The following MYT1L variants were observed in gnomAD, a reference collection of about 807,000 sequenced individuals.
MYT1L encodes myelin transcription factor 1 like.
MYT1L carries 12 observed loss-of-function variants against 126.7 expected under a neutral mutation model. The ratio of observed to expected loss-of-function variants is 0.09; its 90% CI spans 0.06 to 0.15. The LOEUF is 0.15. Among genes scored for constraint, MYT1L ranks in the 10% least tolerant of loss-of-function variants. The pLI, the probability that MYT1L is intolerant of heterozygous loss-of-function variation, is 1.00. For missense variants in MYT1L, 979 were observed against 1,585.2 expected (o/e 0.62, Z 6.49); for synonymous variants, 541 against 604.2 (o/e 0.90, Z 1.53).
chr2:2,208,731 C>T (rs1323274285), intron 2 of MYT1L, among the ~76,000 whole-genome samples: 1 of 151,964 alleles, frequency 6.6e-6, no homozygotes, highest in Non-Finnish European at 1.5e-5. Context: ...TTTTATGTTA[C>T]AGCAATTTTA....
intron 2 of MYT1L, among the ~76,000 whole-genome samples, chr2:2,182,811 A>G (rs1018701723): frequency 3.9e-5 from 6 of 152,170 alleles, no homozygotes; most frequent in African/African-American, 1.2e-4. Context: ...GCGGCCCACA[A>G]TGGCAGGGAC....
rs1315744571 is a variant in MYT1L, at chr2:1,806,214, C to T, written c.3172+2862G>A. Among the ~76,000 whole-genome samples, 3 of 152,178 alleles carry T rather than the reference C, an allele frequency of 2.0e-5. No individual in the cohort carries two copies. The highest frequency in any genetic ancestry group is 4.8e-5 in the African/African-American group (2 of 41,434). ...GTTTGGTGCAAACAGTGTCAGGAAT[C>T]GACAGCCCCAGGCATCAGCACACAC... On this transcript the variant is annotated intron_variant, in intron 22 of 24. Coordinates refer to ENST00000647738, the MANE Select transcript of MYT1L (RefSeq NM_001303052.2). This position sits in a 1 kb window ranked among gnomAD's most constrained non-coding sequence, Gnocchi z 4.9.
At chr2:2,014,991 G>A (rs1574524179) in intron 4 of MYT1L, among the ~76,000 whole-genome samples, 1 of 152,318 alleles carries the variant, frequency 6.6e-6, no homozygotes, top group Admixed American at 6.5e-5. Flanking sequence ...TGGATTTCTT[G>A]GAGTGACACA....
intron 4 of MYT1L, among the ~76,000 whole-genome samples, chr2:2,036,702 A>G (rs989798192): frequency 6.6e-6 from 1 of 152,240 alleles, no homozygotes; most frequent in African/African-American, 2.4e-5. Flanking sequence ...TCTGAGCTAC[A>G]TCATCGCTCA....
chr2:1,880,638 G>T (rs2148788590), intron 18 of MYT1L, among the ~76,000 whole-genome samples: 1 of 152,300 alleles, frequency 6.6e-6, no homozygotes, highest in East Asian at 1.9e-4. Context: ...TGTTGTCAGT[G>T]GTAACAGGTA....
At chr2:2,019,362 C>T (rs149884893) in intron 4 of MYT1L, among the ~76,000 whole-genome samples, 102 of 152,216 alleles carry the variant, frequency 6.7e-4, no homozygotes, top group African/African-American at 2.4e-3. Context: ...ATTGCGAGGC[C>T]TCCTCAGCCT....
intron 3 of MYT1L, among the ~76,000 whole-genome samples, chr2:2,127,606 C>T (rs532657786): frequency 1.3e-5 from 2 of 152,310 alleles, no homozygotes; most frequent in Admixed American, 1.3e-4. Flanking sequence ...CTTGCACTAG[C>T]ATCCCTTCGT....
intron 3 of MYT1L, among the ~76,000 whole-genome samples, chr2:2,083,227 C>T (rs2076019413): frequency 6.6e-6 from 1 of 152,216 alleles, no homozygotes; most frequent in Non-Finnish European, 1.5e-5. Flanking sequence ...TTTCTCAACC[C>T]TTTACGCCTG....
At chr2:2,054,693 T>A (rs2069264710) in intron 3 of MYT1L, among the ~76,000 whole-genome samples, 1 of 128,068 alleles carries the variant, frequency 7.8e-6, no homozygotes, top group South Asian at 2.5e-4. Flanking sequence ...ATAAAGATGA[T>A]GAGACACATG....
chr2:2,061,299 C>T (rs907425452), intron 3 of MYT1L, among the ~76,000 whole-genome samples: 2 of 152,106 alleles, frequency 1.3e-5, no homozygotes, highest in African/African-American at 2.4e-5. Context: ...GGTGCAGAGC[C>T]GAGTCACGGG....
chr2:2,119,338 T>C (rs746563090), intron 3 of MYT1L, among the ~76,000 whole-genome samples: 3 of 152,190 alleles, frequency 2.0e-5, no homozygotes, highest in Non-Finnish European at 4.4e-5. Context: ...AGTAAATAAA[T>C]AGTAATCTAT....
chr2:1,909,037 T>A (rs192779115), intron 13 of MYT1L, among the ~76,000 whole-genome samples: 1 of 152,250 alleles, frequency 6.6e-6, no homozygotes, highest in African/African-American at 2.4e-5. Flanking sequence ...TGGGATGTTA[T>A]GAAATAATAC....
At chr2:1,955,329 T>C (rs905201618) in intron 8 of MYT1L, among the ~76,000 whole-genome samples, 3 of 152,176 alleles carry the variant, frequency 2.0e-5, no homozygotes, top group East Asian at 1.9e-4. Context: ...GGTACTTGAA[T>C]GATTAGATAT....
chr2:2,129,632 C>T lies in MYT1L; in HGVS notation c.-304+43240G>A, dbSNP rs543640024. ...CAAGAATTAACTTATTTAGGCCGGG[C>T]GCGGTGGCTCACGCCTGTAATCCCA... On this transcript the variant is annotated intron_variant, in intron 3 of 24. Coordinates refer to ENST00000647738, the MANE Select transcript of MYT1L (RefSeq NM_001303052.2). 1.7e-4 allele frequency among the ~76,000 whole-genome samples: 26 copies of T among 152,262 alleles called. No individual in the cohort carries two copies. The East Asian group carries it at 2.3e-3, about 14-fold the overall frequency.
intron 8 of MYT1L, among the ~76,000 whole-genome samples, chr2:1,958,848 G>T (rs1298344370): frequency 6.9e-6 from 1 of 145,240 alleles, no homozygotes; most frequent in Non-Finnish European, 1.5e-5. Context: ...TGTTCACTAT[G>T]CTATGAGAGG....
chr2:1,961,808 G>C (rs2058982900), intron 8 of MYT1L, among the ~76,000 whole-genome samples: 1 of 152,196 alleles, frequency 6.6e-6, no homozygotes, highest in Admixed American at 6.5e-5. Flanking sequence ...AGATGTTTTG[G>C]TTTCCCAGCA....
At chr2:2,096,750 C>T (rs1316906783) in intron 3 of MYT1L, among the ~76,000 whole-genome samples, 1 of 152,182 alleles carries the variant, frequency 6.6e-6, no homozygotes, top group Non-Finnish European at 1.5e-5. Flanking sequence ...TGAGGATGGA[C>T]TGTGTGCCAG....
intron 9 of MYT1L, among the ~76,000 whole-genome samples, chr2:1,923,683 G>C (rs1172557200): frequency 6.6e-6 from 1 of 152,016 alleles, no homozygotes; most frequent in Non-Finnish European, 1.5e-5. Context: ...AACTTTACTT[G>C]TTGCCAACTC....
intron 2 of MYT1L, among the ~76,000 whole-genome samples, chr2:2,185,639 G>A (rs1320284934): frequency 3.5e-5 from 5 of 141,278 alleles, no homozygotes; most frequent in Non-Finnish European, 6.1e-5. Flanking sequence ...TGAGGCGGAC[G>A]CAGCCGGGCC....
Sources: gnomAD v4.1 joint callset for allele counts (sites outside exome capture counted in the v4.1 genomes callset) on GRCh38, gnomAD v4.1.1 for gene constraint, Gnocchi (gnomAD v3.1) non-coding constraint, MANE v1.5 for transcripts, NCBI Gene and HGNC (gene_info 2026-07-23, HGNC 2026-07-21) for gene names.